The following RSRC1 variants were observed in gnomAD, a reference collection of about 807,000 sequenced individuals.
The protein encoded by RSRC1 is serine/Arginine-related protein 53.
A neutral mutation model predicts 49.1 loss-of-function variants in RSRC1; 39 were observed. The ratio of observed to expected loss-of-function variants is 0.79; its 90% confidence interval spans 0.61 to 1.04. The LOEUF is 1.04. RSRC1 is among the 50% of genes least tolerant of loss of function. The pLI is 0.00. For missense variants in RSRC1, 388 were observed against 402.4 expected (o/e 0.96, Z 0.31); for synonymous variants, 143 against 130.8 (o/e 1.09, Z -0.63).
At position 158,122,122 on chromosome 3, in the gene RSRC1, A is replaced by C; in HGVS notation, c.18A>C (p.Ser6=). MGRRS[S]DTEEESRSKR... is the part of the protein sequence containing the mutation. ...TTATAGAAATGGGACGTCGGTCATCAGATACTGAAGAAGAAAGCAGAAGCA... is the reference window on the plus strand; with the variant it reads ...TTATAGAAATGGGACGTCGGTCATCCGATACTGAAGAAGAAAGCAGAAGCA... Residue 6 remains serine (S), a synonymous_variant, in exon 2 of 10, where the codon TCA becomes TCC. Coordinates refer to ENST00000611884, the MANE Select transcript of RSRC1 (RefSeq NM_001271838.2). 1.3e-6 allele frequency: 2 copies of C among 1,527,098 alleles called. No homozygotes were observed. The highest frequency in any genetic ancestry group is 8.8e-7 in the Non-Finnish European group (1 of 1,139,068). 94.6% of individuals were successfully genotyped at this position (1,527,098 alleles called of 1,614,324 possible). A position where few individuals can be genotyped will look rare whatever the true frequency, so the allele number is the denominator to read the frequency against.
At chr3:158,197,217 G>A (rs1720686102) in intron 3 of RSRC1, among the ~76,000 whole-genome samples, 1 of 152,036 alleles carries the variant, frequency 6.6e-6, no homozygotes. Context: ...ACTTCTTCCT[G>A]GTTTAGTCTT....
At chr3:158,406,746 T>G (rs1328218406) in intron 6 of RSRC1, among the ~76,000 whole-genome samples, 1 of 152,120 alleles carries the variant, frequency 6.6e-6, no homozygotes, top group Non-Finnish European at 1.5e-5. Context: ...CCATGAGCAC[T>G]AATCTAGTGG....
chr3:158,439,933 T>TTAC (rs1336014342), intron 6 of RSRC1, among the ~76,000 whole-genome samples: 15 of 152,024 alleles, frequency 9.9e-5, no homozygotes, highest in Non-Finnish European at 1.5e-5. Context: ...AATTGTAGTA[T>TTAC]TTCAAGAGTA....
chr3:158,275,859 G>T, intron 4 of RSRC1: 1 of 586,912 alleles, frequency 1.7e-6, no homozygotes, highest in Non-Finnish European at 3.0e-6. Flanking sequence ...CAAGCTGCCT[G>T]GCTAGAACCA....
intron 6 of RSRC1, among the ~76,000 whole-genome samples, chr3:158,387,576 G>A (rs1733033368): frequency 6.6e-6 from 1 of 152,078 alleles, no homozygotes; most frequent in Non-Finnish European, 1.5e-5. Flanking sequence ...AAATTCCATA[G>A]TTTTTCACTG....
intron 6 of RSRC1, among the ~76,000 whole-genome samples, chr3:158,443,035 A>G (rs973133625): frequency 2.0e-5 from 3 of 152,098 alleles, no homozygotes; most frequent in Non-Finnish European, 4.4e-5. Flanking sequence ...ATCATAAACC[A>G]TGCTATAAAC....
At chr3:158,414,250 G>A (rs1734623226) in intron 6 of RSRC1, among the ~76,000 whole-genome samples, 1 of 152,108 alleles carries the variant, frequency 6.6e-6, no homozygotes, top group South Asian at 2.1e-4. Flanking sequence ...GCCCTTTGCA[G>A]GGACATGGAT....
chr3:158,127,724 C>CTAGG (rs1306767058), intron 3 of RSRC1, among the ~76,000 whole-genome samples: 1 of 130,942 alleles, frequency 7.6e-6, no homozygotes, highest in Non-Finnish European at 1.7e-5. Flanking sequence ...TTTGATTGGG[C>CTAGG]TAGGTTTCCT....
At chr3:158,189,094 T>C (rs1162447499) in intron 3 of RSRC1, among the ~76,000 whole-genome samples, 2 of 151,896 alleles carry the variant, frequency 1.3e-5, no homozygotes, top group Non-Finnish European at 1.5e-5. Flanking sequence ...TATAAACATA[T>C]ATTACTTAAT....
At chr3:158,336,178 G>T (rs1383340864) in intron 5 of RSRC1, among the ~76,000 whole-genome samples, 1 of 152,260 alleles carries the variant, frequency 6.6e-6, no homozygotes. Context: ...CTGGGTAAGG[G>T]CACTGCAAGT....
At chr3:158,188,442 C>G (rs1358048249) in intron 3 of RSRC1, among the ~76,000 whole-genome samples, 1 of 151,946 alleles carries the variant, frequency 6.6e-6, no homozygotes, top group Non-Finnish European at 1.5e-5. Flanking sequence ...GTCTCTGTCT[C>G]CTTAGCTCAA....
intron 3 of RSRC1, among the ~76,000 whole-genome samples, chr3:158,179,854 CA>C (rs1414759928): frequency 1.3e-5 from 2 of 152,110 alleles, no homozygotes; most frequent in Non-Finnish European, 2.9e-5. Flanking sequence ...TTCCCAGTAG[CA>C]CTATATGAGC....
At chr3:158,151,086 G>A (rs140698215) in intron 3 of RSRC1, among the ~76,000 whole-genome samples, 56 of 152,074 alleles carry the variant, frequency 3.7e-4, no homozygotes, top group African/African-American at 8.2e-4. Context: ...TTTTTCTCAC[G>A]CATTGCCAGG....
intron 5 of RSRC1, among the ~76,000 whole-genome samples, chr3:158,344,544 T>C (rs1017130419): frequency 1.3e-5 from 2 of 152,190 alleles, no homozygotes; most frequent in African/African-American, 4.8e-5. Context: ...GCCAAATGAA[T>C]ATTTTTAAAA....
At chr3:158,360,845 G>T (rs1731427056) in intron 6 of RSRC1, among the ~76,000 whole-genome samples, 1 of 152,186 alleles carries the variant, frequency 6.6e-6, no homozygotes, top group African/African-American at 2.4e-5. Context: ...GCCCCAACTT[G>T]GGGGCTGCAG....
intron 5 of RSRC1, among the ~76,000 whole-genome samples, chr3:158,301,934 T>G (rs1471500828): frequency 6.6e-6 from 1 of 151,988 alleles, no homozygotes; most frequent in African/African-American, 2.4e-5. Flanking sequence ...ACAGCCAATT[T>G]TATTGACTTC....
chr3:158,284,664 T>C (rs927849675), intron 4 of RSRC1, among the ~76,000 whole-genome samples: 2 of 150,530 alleles, frequency 1.3e-5, no homozygotes, highest in Admixed American at 6.6e-5. Flanking sequence ...CATTTTTTCA[T>C]GTGGTTTTTG....
intron 6 of RSRC1, among the ~76,000 whole-genome samples, chr3:158,407,742 CTCA>C (rs770440983): frequency 6.6e-6 from 1 of 152,068 alleles, no homozygotes; most frequent in Non-Finnish European, 1.5e-5. Flanking sequence ...ATAAAAACAC[CTCA>C]TCAAGAAGTT....
intron 6 of RSRC1, among the ~76,000 whole-genome samples, chr3:158,409,833 T>C (rs1173009217): frequency 6.6e-6 from 1 of 152,148 alleles, no homozygotes; most frequent in Non-Finnish European, 1.5e-5. Context: ...AAAGAGGGCA[T>C]ATGAAAATCT....
Sources: gnomAD v4.1 joint callset for allele counts (sites outside exome capture counted in the v4.1 genomes callset) on GRCh38, gnomAD v4.1.1 for gene constraint, MANE v1.5 for transcripts, NCBI Gene and HGNC (gene_info 2026-07-23, HGNC 2026-07-21) for gene names.